The following CES5A variants were observed in gnomAD, a reference collection of about 807,000 sequenced individuals.
CES5A encodes the protein carboxylesterase 5A, also known as carboxylesterase 5.
In CES5A, 67 loss-of-function variants were observed where a neutral mutation model predicts 62.9. That is an observed-to-expected ratio of 1.07 (90% CI 0.88 to 1.31). The LOEUF (loss-of-function observed/expected upper bound fraction) is 1.31. Among genes scored for constraint, CES5A ranks in the 50% most tolerant of loss-of-function variants. The probability of loss-of-function intolerance (pLI) is 0.00; values close to 1 mark genes in which losing one functional copy is unlikely to be tolerated. For missense variants in CES5A, 748 were observed against 708.5 expected (o/e 1.06, Z -0.63); for synonymous variants, 296 against 280.8 (o/e 1.05, Z -0.54).
chr16:55,917,169 T>C (rs993003212), intron 1 of CES5A, among the ~76,000 whole-genome samples: 10 of 152,326 alleles, frequency 6.6e-5, no homozygotes, highest in Admixed American at 2.0e-4. Context: ...TGGTTTTAAG[T>C]GCCATCAAAT....
chr16:55,875,754 C>T (rs942235541), upstream of CES5A, among the ~76,000 whole-genome samples: 1 of 152,220 alleles, frequency 6.6e-6, no homozygotes, highest in South Asian at 2.1e-4. Flanking sequence ...TGGTCTACAG[C>T]CTCCTTGGCA....
At chr16:55,929,342 G>A (rs965062125), upstream of CES5A, among the ~76,000 whole-genome samples, 1 of 152,206 alleles carries the variant, frequency 6.6e-6, no homozygotes, top group Non-Finnish European at 1.5e-5. Flanking sequence ...ATGGGCTGCT[G>A]ACAGCATCCC....
intron 5 of CES5A, among the ~76,000 whole-genome samples, chr16:55,864,322 A>G (rs2033413239): frequency 6.6e-6 from 1 of 152,208 alleles, no homozygotes; most frequent in Non-Finnish European, 1.5e-5. Context: ...ACTCACCACC[A>G]TGTTACTGAT....
intron 3 of CES5A, among the ~76,000 whole-genome samples, chr16:55,870,874 A>G (rs2142410525): frequency 6.6e-6 from 1 of 152,328 alleles, no homozygotes; most frequent in South Asian, 2.1e-4. Flanking sequence ...GAAGAAAGCC[A>G]CTGAGGAAAG....
chr16:55,932,648 G>C (rs916561820), intron 2 of CES5A, among the ~76,000 whole-genome samples: 1 of 152,180 alleles, frequency 6.6e-6, no homozygotes, highest in East Asian at 1.9e-4. Flanking sequence ...TGAAGGATAG[G>C]AAGGAGCCAG....
chr16:55,859,460 A>G, intron 8 of CES5A, 87 bp downstream of exon 8: 1 of 1,334,592 alleles, frequency 7.5e-7, no homozygotes, highest in South Asian at 1.3e-5. Context: ...ACAATACCTG[A>G]TGTCTTCTGT....
intron 1 of CES5A, among the ~76,000 whole-genome samples, chr16:55,904,771 G>A (rs2034023262): frequency 1.3e-5 from 2 of 152,158 alleles, no homozygotes; most frequent in Admixed American, 1.3e-4. Context: ...ACCTGGCACA[G>A]CATAATGGCA....
chr16:55,860,227 C>A (rs1354477622), intron 7 of CES5A, among the ~76,000 whole-genome samples: 2 of 152,146 alleles, frequency 1.3e-5, no homozygotes, highest in African/African-American at 4.8e-5. Flanking sequence ...TGTGAGACCT[C>A]CCCAGCCATG....
intron 1 of CES5A, among the ~76,000 whole-genome samples, chr16:55,884,394 T>C (rs1364989178): frequency 6.6e-6 from 1 of 152,218 alleles, no homozygotes; most frequent in Non-Finnish European, 1.5e-5. Context: ...TCTTGTCTGA[T>C]CCTCTGGCCT....
At chr16:55,881,250 C>A (rs188688420) in intron 1 of CES5A, among the ~76,000 whole-genome samples, 1 of 152,278 alleles carries the variant, frequency 6.6e-6, no homozygotes, top group East Asian at 1.9e-4. Context: ...TTCTCCCAAG[C>A]CAGTAACCAG....
At chr16:55,899,269 G>A (rs1405857073) in intron 1 of CES5A, among the ~76,000 whole-genome samples, 1 of 152,124 alleles carries the variant, frequency 6.6e-6, no homozygotes, top group African/African-American at 2.4e-5. Context: ...ATAGATACAG[G>A]AGTCAAGAGC....
At chr16:55,856,553 C>A in intron 8 of CES5A, 108 bp from the exon 9 acceptor site, 1 of 932,930 alleles carries the variant, frequency 1.1e-6, no homozygotes, top group Non-Finnish European at 1.7e-6. Context: ...GGATAAGGAG[C>A]CCTCAAGCCC....
chr16:55,853,407 A>G (rs1315977491), intron 9 of CES5A, among the ~76,000 whole-genome samples: 1 of 152,238 alleles, frequency 6.6e-6, no homozygotes, highest in African/African-American at 2.4e-5. Flanking sequence ...AAAATCATTA[A>G]GAATTTCAAG....
chr16:55,893,305 G>A (rs1193733325), intron 1 of CES5A, among the ~76,000 whole-genome samples: 2 of 151,430 alleles, frequency 1.3e-5, no homozygotes, highest in Admixed American at 6.6e-5. Context: ...TTTCAATATC[G>A]GTATGAAATA....
At chr16:55,909,595 CAT>C (rs1555485424) in intron 1 of CES5A, among the ~76,000 whole-genome samples, 30 of 151,892 alleles carry the variant, frequency 2.0e-4, no homozygotes, top group Admixed American at 5.9e-4. Context: ...CACACACACA[CAT>C]GTCTGGAGGC....
chr16:55,868,110 C>G (rs1165861879), intron 4 of CES5A, among the ~76,000 whole-genome samples: 2 of 152,220 alleles, frequency 1.3e-5, no homozygotes, highest in Non-Finnish European at 2.9e-5. Context: ...CCTATCAGGC[C>G]TGTCCTTGCC....
rs144826610 is a variant in CES5A, at chr16:55,852,865, A to G, written c.1273+16T>C. ...CACTGGGCTATGGTCCTGGAGCGGG[A>G]TGCTCAGATACTCACCTCTGTGATA... On this transcript the variant is annotated intron_variant, in intron 10 of 12. Coordinates refer to ENST00000290567, the MANE Select transcript of CES5A (RefSeq NM_001143685.2). 3,518 of 1,607,762 alleles carry G rather than the reference A, an allele frequency of 2.2e-3. 62 individuals are homozygous for G. The South Asian group carries it at 0.027, about 12-fold the overall frequency.
At chr16:55,918,386 A>G (rs927015257) in intron 1 of CES5A, among the ~76,000 whole-genome samples, 21 of 152,130 alleles carry the variant, frequency 1.4e-4, no homozygotes, top group Non-Finnish European at 2.6e-4. Flanking sequence ...AATAATCATA[A>G]TGCTGGCTCC....
At chr16:55,934,037 T>A (rs1318149304) in intron 2 of CES5A, among the ~76,000 whole-genome samples, 4 of 152,164 alleles carry the variant, frequency 2.6e-5, no homozygotes, top group Non-Finnish European at 5.9e-5. Flanking sequence ...TGCTCTCTGA[T>A]TTGCTCACTC....
Sources: allele counts gnomAD v4.1 joint callset (sites outside exome capture counted in the v4.1 genomes callset), GRCh38; gene constraint gnomAD v4.1.1; transcripts MANE v1.5; gene names NCBI Gene and HGNC (gene_info 2026-07-23, HGNC 2026-07-21).